STEAP3: variants seen among roughly 807,000 people sequenced by gnomAD.
STEAP3 encodes the protein STEAP3 metalloreductase, also known as metalloreductase STEAP3.
A neutral mutation model predicts 34.9 loss-of-function variants in STEAP3; 35 were observed. That is an observed-to-expected ratio of 1.00 (90% CI 0.76 to 1.33). The LOEUF (loss-of-function observed/expected upper bound fraction) is 1.33. Ranked by LOEUF, STEAP3 falls within the 40% of genes most tolerant of loss-of-function variation. The probability of loss-of-function intolerance (pLI) is 0.00; values close to 1 mark genes in which losing one functional copy is unlikely to be tolerated. For missense variants in STEAP3, 652 were observed against 667.6 expected, an observed-to-expected ratio of 0.98 and a Z score of 0.26; for synonymous variants, 281 against 301.6, an observed-to-expected ratio of 0.93 and a Z score of 0.71.
chr2:119,238,472 TG>T (rs1677151711), intron 2 of STEAP3, among the ~76,000 whole-genome samples: 1 of 152,220 alleles, frequency 6.6e-6, no homozygotes, highest in African/African-American at 2.4e-5. Context: ...GCCCACTTTA[TG>T]TAGGTTGTTT....
At chr2:119,257,657 G>A (rs1004331327) in intron 5 of STEAP3, 59 of 1,443,388 alleles carry the variant, frequency 4.1e-5, no homozygotes, top group African/African-American at 1.0e-4. Flanking sequence ...TGCAGGATGC[G>A]TGCAGCCAAC....
At chr2:119,244,767 C>G (rs1299267550) in intron 2 of STEAP3, 1 of 152,156 alleles carries the variant, frequency 6.6e-6, no homozygotes, top group African/African-American at 2.4e-5. Flanking sequence ...TCCTCCACAT[C>G]CACTCATATC....
intron 2 of STEAP3, among the ~76,000 whole-genome samples, chr2:119,243,840 T>G (rs1677324311): frequency 6.6e-6 from 1 of 152,218 alleles, no homozygotes; most frequent in African/African-American, 2.4e-5. Flanking sequence ...CCCATCTTTA[T>G]GTCAGTCCCT....
intron 2 of STEAP3, among the ~76,000 whole-genome samples, chr2:119,242,098 G>A (rs1011630681): frequency 3.3e-5 from 5 of 152,210 alleles, no homozygotes; most frequent in African/African-American, 1.2e-4. Flanking sequence ...TAAGCCCTCA[G>A]GGTGGGGACC....
intron 4 of STEAP3, among the ~76,000 whole-genome samples, chr2:119,254,263 C>T (rs1462275816): frequency 6.6e-6 from 1 of 152,018 alleles, no homozygotes; most frequent in Non-Finnish European, 1.5e-5. Flanking sequence ...AACCGTGAGA[C>T]GGAGCCATGC....
At position 119,247,675 on chromosome 2, in the gene STEAP3, G is replaced by A. The variant is rs201456752; in HGVS notation, c.523-4G>A. ...CGTCTGACTGCCCCACTTTTCTCCC[G>A]CAGGTGCCCATCTGCGGTGACCAGC... On this transcript the variant is annotated splice_polypyrimidine_tract_variant and splice_region_variant and intron_variant, in intron 3 of 5. Transcript: ENST00000393110. 371 of 1,516,746 alleles carry A rather than the reference G, an allele frequency of 2.4e-4. 1 individual carries two copies. In the East Asian group the frequency reaches 4.4e-3, roughly 18 times the overall value. 94.0% of individuals were successfully genotyped at this position (1,516,746 alleles called of 1,614,324 possible).
intron 1 of STEAP3, among the ~76,000 whole-genome samples, chr2:119,225,023 G>C (rs552847802): frequency 1.3e-5 from 2 of 152,218 alleles, no homozygotes; most frequent in Non-Finnish European, 2.9e-5. Context: ...GAAACAGGCT[G>C]TGTCCTCACG....
At chr2:119,257,712 A>G in intron 5 of STEAP3, 1 of 1,395,724 alleles carries the variant, frequency 7.2e-7, no homozygotes, top group Non-Finnish European at 9.3e-7. Context: ...TTCTCCTTTA[A>G]AGTTAGCGTG....
rs142272587 is a variant in STEAP3 at position 119,247,398 on chromosome 2, T to A, written c.523-281T>A. Reference sequence around the variant, plus strand: ...TGAGCATTTTGCTTGTGGTTGCTGATGTCCACGAGCTGGGCAAGATGCTTA... The same window carrying A: ...TGAGCATTTTGCTTGTGGTTGCTGAAGTCCACGAGCTGGGCAAGATGCTTA... On this transcript the variant is annotated intron_variant, in intron 3 of 5. Coordinates refer to ENST00000393110, the MANE Select transcript of STEAP3 (RefSeq NM_182915.3). Among the ~76,000 whole-genome samples the A allele has an allele frequency of 2.6e-4, 39 of 152,354 alleles. No homozygotes were observed. In the East Asian group the frequency reaches 7.3e-3, roughly 29 times the overall value.
intron 1 of STEAP3, among the ~76,000 whole-genome samples, chr2:119,224,903 C>T (rs1678990919): frequency 6.6e-6 from 1 of 152,170 alleles, no homozygotes; most frequent in African/African-American, 2.4e-5. Context: ...GGGGAAACAG[C>T]CTCAGAGAGT....
At chr2:119,225,684 G>T (rs759477956) in intron 1 of STEAP3, among the ~76,000 whole-genome samples, 1 of 152,234 alleles carries the variant, frequency 6.6e-6, no homozygotes, top group African/African-American at 2.4e-5. Flanking sequence ...GTCCAAAGGC[G>T]CACACCTGAG....
At chr2:119,254,019 G>C (rs1677701133) in intron 4 of STEAP3, among the ~76,000 whole-genome samples, 1 of 151,556 alleles carries the variant, frequency 6.6e-6, no homozygotes, top group Admixed American at 6.6e-5. Context: ...GGTAGGAAGA[G>C]GGGAGGCTGA....
chr2:119,255,346 A>G (rs537935541), intron 5 of STEAP3, among the ~76,000 whole-genome samples: 5 of 152,190 alleles, frequency 3.3e-5, no homozygotes, highest in African/African-American at 1.2e-4. Context: ...AGACACAAGC[A>G]TTAGGACCCC....
chr2:119,257,012 G>A (rs1677792623), intron 5 of STEAP3, among the ~76,000 whole-genome samples: 1 of 152,286 alleles, frequency 6.6e-6, no homozygotes, highest in East Asian at 1.9e-4. Context: ...CGATTTCTGA[G>A]TTCAGTAGGA....
intron 3 of STEAP3, chr2:119,246,332 CAGAA>C (rs1295304436): frequency 3.7e-6 from 1 of 273,066 alleles, no homozygotes; most frequent in South Asian, 5.5e-5. Flanking sequence ...GAATTGGACT[CAGAA>C]GGAGGAAAGT....
At chr2:119,260,305 C>CTTT (rs111601276) in intron 5 of STEAP3, among the ~76,000 whole-genome samples, 1 of 130,482 alleles carries the variant, frequency 7.7e-6, no homozygotes, top group African/African-American at 2.7e-5. Context: ...AAGACTTACT[C>CTTT]TTTTTTTTTT....
In STEAP3 at chr2:119,263,924, C is replaced by T. The variant is rs1159594777; in HGVS notation, c.*586C>T. On this transcript the variant is annotated 3_prime_UTR_variant, in exon 6 of 6. Coordinates refer to ENST00000393110, the MANE Select transcript of STEAP3 (RefSeq NM_182915.3). ...GGAGGAGGAAAATCAGGCAGTCGGC[C>T]TGGAGTCTGTGCCTGGTCCTTTGCC... The T allele has an allele frequency of 5.6e-6, 1 of 178,854 alleles. No individual in the cohort carries two copies. Among genetic ancestry groups the T allele is most frequent in the African/African-American group, 2.4e-5 (1 of 41,812 alleles). The allele number at this position is 178,854 out of a possible 1,614,324, so 11.1% of individuals were successfully genotyped here.
chr2:119,258,865 G>A (rs1414997426), intron 5 of STEAP3, among the ~76,000 whole-genome samples: 5 of 147,944 alleles, frequency 3.4e-5, no homozygotes, highest in Non-Finnish European at 5.9e-5. Context: ...CTCATGATCC[G>A]CCTGCCTCGG....
At position 119,241,370 on chromosome 2, in the gene STEAP3, T is replaced by C. The variant is rs540389155; in HGVS notation, c.23-4119T>C. On this transcript the variant is annotated intron_variant, in intron 2 of 5. Transcript: ENST00000393110. ...CCAGCCAAGTGGCTCCGTCCCTACA[T>C]CAGAAAGGTCAAGGAAGAGGCCGCC... Among the ~76,000 whole-genome samples, 3 of 152,134 alleles carry C rather than the reference T, an allele frequency of 2.0e-5. No individual in the cohort carries two copies. In the South Asian group the frequency reaches 6.2e-4, roughly 32 times the overall value.
Sources: allele counts gnomAD v4.1 joint callset (sites outside exome capture counted in the v4.1 genomes callset), GRCh38; gene constraint gnomAD v4.1.1; transcripts MANE v1.5; gene names NCBI Gene and HGNC (gene_info 2026-07-23, HGNC 2026-07-21).